The following ERBB4 variants were observed in gnomAD, a reference collection of about 807,000 sequenced individuals.
The protein encoded by ERBB4 is receptor tyrosine-protein kinase erbB-4.
A neutral mutation model predicts 158.0 loss-of-function variants in ERBB4; 42 were observed. That is an observed-to-expected ratio of 0.27 (90% CI 0.21 to 0.34). The LOEUF (loss-of-function observed/expected upper bound fraction) is 0.34. Among genes scored for constraint, ERBB4 ranks in the 10% least tolerant of loss-of-function variants. The probability of loss-of-function intolerance (pLI) is 1.00; values close to 1 mark genes in which losing one functional copy is unlikely to be tolerated. For missense variants in ERBB4, 1,333 were observed against 1,624.1 expected, an observed-to-expected ratio of 0.82 and a Z score of 3.08; for synonymous variants, 583 against 558.7, an observed-to-expected ratio of 1.04 and a Z score of -0.61.
At position 211,768,900 on chromosome 2, in the gene ERBB4, C is replaced by T. The variant is rs190596324; in HGVS notation, c.557-18196G>A. Among the ~76,000 whole-genome samples, 1,109 of 152,328 alleles carry T rather than the reference C, an allele frequency of 7.3e-3. 19 individuals are homozygous for T. The highest frequency in any genetic ancestry group is 0.048 in the Middle Eastern group (14 of 294). On this transcript the variant is annotated intron_variant, in intron 4 of 27. Transcript: ENST00000342788. ...ATTTTTGCAGCCAGCTTGAATTTCT[C>T]ATCAGAAAATAAGTTTTTCTTTTCT...
At chr2:211,987,391 T>C (rs2081966916) in intron 2 of ERBB4, among the ~76,000 whole-genome samples, 1 of 150,584 alleles carries the variant, frequency 6.6e-6, no homozygotes, top group South Asian at 2.1e-4. Flanking sequence ...TTATCAAAAA[T>C]TATGTTGCTA....
intron 1 of ERBB4, among the ~76,000 whole-genome samples, chr2:212,241,864 T>C (rs1361864942): frequency 4.1e-5 from 2 of 49,304 alleles, no homozygotes; most frequent in Non-Finnish European, 7.6e-5. Context: ...GCCATGTGAA[T>C]TGATTCAACA....
chr2:211,994,333 A>G (rs969641207), intron 2 of ERBB4, among the ~76,000 whole-genome samples: 1 of 151,950 alleles, frequency 6.6e-6, no homozygotes, highest in African/African-American at 2.4e-5. Flanking sequence ...CAGTTTTGCT[A>G]TGTTGCCAAG....
intron 20 of ERBB4, among the ~76,000 whole-genome samples, chr2:211,552,691 G>A (rs2067132469): frequency 6.6e-6 from 1 of 152,148 alleles, no homozygotes; most frequent in African/African-American, 2.4e-5. Context: ...AAAGGTAATA[G>A]TGGCCTATAC....
chr2:212,410,433 T>C (rs1327073273), intron 1 of ERBB4, among the ~76,000 whole-genome samples: 2 of 152,048 alleles, frequency 1.3e-5, no homozygotes, highest in Non-Finnish European at 1.5e-5. Context: ...TATGTATAAA[T>C]ATGGATTTCT....
intron 1 of ERBB4, among the ~76,000 whole-genome samples, chr2:212,491,800 C>T (rs1690293328): frequency 6.6e-6 from 1 of 151,384 alleles, no homozygotes; most frequent in Admixed American, 6.6e-5. Flanking sequence ...TTTTATCACC[C>T]TAAGCAATAT....
At chr2:211,397,758 G>A (rs1427246619) in intron 25 of ERBB4, among the ~76,000 whole-genome samples, 1 of 152,146 alleles carries the variant, frequency 6.6e-6, no homozygotes, top group Admixed American at 6.6e-5. Flanking sequence ...TGGAAAATAG[G>A]ACTGTATTGT....
At chr2:211,469,728 G>A (rs1386462030) in intron 20 of ERBB4, among the ~76,000 whole-genome samples, 2 of 152,160 alleles carry the variant, frequency 1.3e-5, no homozygotes, top group Non-Finnish European at 2.9e-5. Context: ...TCGCATCTTA[G>A]TCATATAAAA....
chr2:211,925,328 A>G (rs551052238), intron 3 of ERBB4, among the ~76,000 whole-genome samples: 4 of 150,162 alleles, frequency 2.7e-5, no homozygotes, highest in African/African-American at 9.9e-5. Context: ...TGCTTCTATC[A>G]TTTTTGAAGG....
intron 3 of ERBB4, among the ~76,000 whole-genome samples, chr2:211,943,239 G>A (rs1412965528): frequency 2.0e-5 from 3 of 152,062 alleles, no homozygotes; most frequent in Admixed American, 2.0e-4. Flanking sequence ...TCCTTTTAGG[G>A]TTTGGCCAGA....
intron 3 of ERBB4, among the ~76,000 whole-genome samples, chr2:211,885,758 C>T (rs987488011): frequency 1.3e-5 from 2 of 152,040 alleles, no homozygotes; most frequent in African/African-American, 2.4e-5. Flanking sequence ...CGTGCCTGGC[C>T]GATTTTTTTA....
chr2:211,946,366 A>G (rs2080690512), intron 3 of ERBB4, among the ~76,000 whole-genome samples: 1 of 151,984 alleles, frequency 6.6e-6, no homozygotes, highest in Admixed American at 6.6e-5. Flanking sequence ...GACAACATTC[A>G]TCTTGCTTTT....
chr2:212,498,440 C>T (rs184594838), intron 1 of ERBB4, among the ~76,000 whole-genome samples: 3 of 151,992 alleles, frequency 2.0e-5, no homozygotes, highest in Non-Finnish European at 4.4e-5. Context: ...ATTAAAAATG[C>T]CTTTCAATCT....
At chr2:212,165,987 A>T (rs2081335838) in intron 1 of ERBB4, among the ~76,000 whole-genome samples, 1 of 152,068 alleles carries the variant, frequency 6.6e-6, no homozygotes, top group African/African-American at 2.4e-5. Flanking sequence ...CTGATAACAT[A>T]GATCTATTGT....
chr2:212,415,134 C>G (rs555357827), intron 1 of ERBB4, among the ~76,000 whole-genome samples: 2 of 152,066 alleles, frequency 1.3e-5, no homozygotes, highest in Non-Finnish European at 2.9e-5. Flanking sequence ...TCTTGTCAAA[C>G]GTCACTTACG....
chr2:211,489,007 G>C (rs1342057871), intron 20 of ERBB4, among the ~76,000 whole-genome samples: 2 of 151,972 alleles, frequency 1.3e-5, no homozygotes. Flanking sequence ...TCTCCCCAAA[G>C]TTGTAGAATT....
intron 16 of ERBB4, among the ~76,000 whole-genome samples, chr2:211,656,532 A>G (rs2071223669): frequency 6.6e-6 from 1 of 152,366 alleles, no homozygotes; most frequent in South Asian, 2.1e-4. Context: ...ATACAGTTCT[A>G]TAATTTTTGA....
At chr2:211,717,106 G>T (rs1475390914) in intron 7 of ERBB4, among the ~76,000 whole-genome samples, 1 of 152,128 alleles carries the variant, frequency 6.6e-6, no homozygotes, top group Non-Finnish European at 1.5e-5. Flanking sequence ...TTGAATAAAA[G>T]GGAAAGCACC....
At chr2:212,083,695 T>C (rs769141942) in intron 2 of ERBB4, among the ~76,000 whole-genome samples, 52 of 151,916 alleles carry the variant, frequency 3.4e-4, no homozygotes, top group Non-Finnish European at 6.5e-4. Flanking sequence ...AACATAGGAT[T>C]GCACAATCCC....
Sources: allele counts gnomAD v4.1 joint callset (sites outside exome capture counted in the v4.1 genomes callset), GRCh38; gene constraint gnomAD v4.1.1; transcripts MANE v1.5; gene names NCBI Gene and HGNC (gene_info 2026-07-23, HGNC 2026-07-21).